CMKLR2: variants seen among roughly 807,000 people sequenced by gnomAD.
CMKLR2 encodes chemerin chemokine-like receptor 2, also known as chemerin-like receptor 2.
CMKLR2 carries 18 observed loss-of-function variants against 23.0 expected under a neutral mutation model. The ratio of observed to expected loss-of-function variants is 0.78; its 90% CI spans 0.54 to 1.16. The LOEUF (loss-of-function observed/expected upper bound fraction) is 1.16. Ranked by LOEUF, CMKLR2 falls within the 50% of genes most tolerant of loss-of-function variation. The pLI is 0.00. For synonymous variants in CMKLR2, 158 were observed against 158.9 expected, an observed-to-expected ratio of 0.99 and a Z score of 0.05; for missense variants, 401 against 412.7, an observed-to-expected ratio of 0.97 and a Z score of 0.25.
intron 1 of CMKLR2, chr2:206,203,804 T>G (rs1689204768): frequency 6.6e-6 from 1 of 152,230 alleles, no homozygotes. Flanking sequence ...ATGCCCAGCT[T>G]ACTTCCTGTT....
chr2:206,185,571 C>T lies in CMKLR2; in HGVS notation c.-28-8296G>A, dbSNP rs150337805. ...TGCTTTTCAGCCTTTGAATGATTTTCGCAAAGGGGAAAAGCAATCTGATTT... is the reference window on the plus strand; with the variant it reads ...TGCTTTTCAGCCTTTGAATGATTTTTGCAAAGGGGAAAAGCAATCTGATTT... On this transcript the variant is annotated intron_variant, in intron 1 of 1. Transcript: ENST00000621141. Among the ~76,000 whole-genome samples the T allele has an allele frequency of 1.9e-4, 29 of 152,212 alleles. No homozygotes were observed. The East Asian group carries it at 3.5e-3, about 18-fold the overall frequency.
intron 1 of CMKLR2, among the ~76,000 whole-genome samples, chr2:206,205,761 G>A (rs888039851): frequency 3.3e-5 from 5 of 151,862 alleles, no homozygotes; most frequent in African/African-American, 4.8e-5. Context: ...GTGCAATGGC[G>A]TGATCTCGGC....
chr2:206,191,573 G>A (rs1176458145), intron 1 of CMKLR2, among the ~76,000 whole-genome samples: 1 of 151,998 alleles, frequency 6.6e-6, no homozygotes, highest in East Asian at 1.9e-4. Flanking sequence ...GGACCCCTGT[G>A]TCTAGCCCCA....
rs1236257391 is a variant in CMKLR2, at chr2:206,175,935, A to T, written c.*245T>A. 2 of 361,068 alleles carry T rather than the reference A, an allele frequency of 5.5e-6. No individual in the cohort carries two copies. The highest frequency in any genetic ancestry group is 9.9e-6 in the Non-Finnish European group (2 of 202,686). The allele number at this position is 361,068 out of a possible 1,614,324, so 22.4% of individuals were successfully genotyped here. A position where few individuals can be genotyped will look rare whatever the true frequency, so the allele number is the denominator to read the frequency against. Reference sequence around the variant, plus strand: ...CATTTCATTTAAGTTGCAGAAAAAAATTATGCGGATCCTTCCTAAGTATTT... The same window carrying T: ...CATTTCATTTAAGTTGCAGAAAAAATTTATGCGGATCCTTCCTAAGTATTT... On this transcript the variant is annotated 3_prime_UTR_variant, in exon 2 of 2. Transcript: ENST00000621141.
chr2:206,206,994 G>T (rs1296039790), intron 1 of CMKLR2, among the ~76,000 whole-genome samples: 1 of 149,964 alleles, frequency 6.7e-6, no homozygotes, highest in Non-Finnish European at 1.5e-5. Flanking sequence ...CTCCTGAGAG[G>T]TGTGTTCAAT....
chr2:206,214,658 C>G (rs1314410679), upstream of CMKLR2, among the ~76,000 whole-genome samples: 1 of 151,778 alleles, frequency 6.6e-6, no homozygotes. Flanking sequence ...GAGTCTCGCT[C>G]TGTTGCCCAG....
At chr2:206,197,493 C>A (rs1412808968) in intron 1 of CMKLR2, among the ~76,000 whole-genome samples, 1 of 152,060 alleles carries the variant, frequency 6.6e-6, no homozygotes, top group Admixed American at 6.6e-5. Flanking sequence ...AAATTTTAAC[C>A]CAGTATCTTG....
Position 206,190,041 on chromosome 2 carries a change from G to T in CMKLR2, c.-28-12766C>A, listed in dbSNP as rs1385513368. Among the ~76,000 whole-genome samples the T allele has an allele frequency of 2.0e-5, 3 of 152,126 alleles. No individual in the cohort carries two copies. The East Asian group carries it at 5.8e-4, about 29-fold the overall frequency. ...AAGGGAGGTTAGATGGAAATTGAAG[G>T]TTGGGTGGTGATATTGTTGCTGCTG... On this transcript the variant is annotated intron_variant, in intron 1 of 1. Coordinates refer to ENST00000621141, the MANE Select transcript of CMKLR2 (RefSeq NM_001389445.1).
At chr2:206,178,497 A>G (rs1327430543) in intron 1 of CMKLR2, among the ~76,000 whole-genome samples, 1 of 152,228 alleles carries the variant, frequency 6.6e-6, no homozygotes, top group Non-Finnish European at 1.5e-5. Context: ...TTTGGATTAA[A>G]TTTGATTATG....
At chr2:206,210,798 A>T (rs1464927158) in intron 1 of CMKLR2, among the ~76,000 whole-genome samples, 1 of 152,186 alleles carries the variant, frequency 6.6e-6, no homozygotes, top group Non-Finnish European at 1.5e-5. Context: ...CTGAATAAAG[A>T]AAAAGCTCTG....
intron 1 of CMKLR2, among the ~76,000 whole-genome samples, chr2:206,207,054 A>G (rs903741516): frequency 4.0e-5 from 6 of 151,400 alleles, no homozygotes; most frequent in Non-Finnish European, 8.8e-5. Flanking sequence ...AACAGTTGCC[A>G]TTTCTAGGAA....
intron 1 of CMKLR2, among the ~76,000 whole-genome samples, chr2:206,182,997 C>G (rs1282977398): frequency 6.6e-6 from 1 of 152,096 alleles, no homozygotes; most frequent in Non-Finnish European, 1.5e-5. Flanking sequence ...TTCCAGTGAG[C>G]AAGAATTGGC....
chr2:206,196,643 C>T (rs1479070421), intron 1 of CMKLR2, among the ~76,000 whole-genome samples: 2 of 152,228 alleles, frequency 1.3e-5, no homozygotes, highest in African/African-American at 2.4e-5. Context: ...CTCACCTCCA[C>T]CTCCAGGCCC....
At chr2:206,195,994 T>G (rs935814380) in intron 1 of CMKLR2, among the ~76,000 whole-genome samples, 1 of 152,026 alleles carries the variant, frequency 6.6e-6, no homozygotes, top group Non-Finnish European at 1.5e-5. Flanking sequence ...AACTATTCAG[T>G]GGCATGATTA....
intron 1 of CMKLR2, among the ~76,000 whole-genome samples, chr2:206,180,576 A>C (rs1034777497): frequency 6.6e-6 from 1 of 152,012 alleles, no homozygotes; most frequent in East Asian, 1.9e-4. Context: ...CTGGGACTAC[A>C]GAAGTACATC....
At chr2:206,192,619 T>C (rs951008034) in intron 1 of CMKLR2, among the ~76,000 whole-genome samples, 2 of 151,750 alleles carry the variant, frequency 1.3e-5, no homozygotes, top group Admixed American at 6.6e-5. Context: ...TCTCATGCTC[T>C]ACCACTTTTT....
chr2:206,216,129 G>A (rs1001049694), upstream of CMKLR2, among the ~76,000 whole-genome samples: 3 of 152,100 alleles, frequency 2.0e-5, no homozygotes, highest in Non-Finnish European at 4.4e-5. Context: ...TATTTCAAGG[G>A]GTTTCTTTTC....
rs751443641 is a variant in CMKLR2, at chr2:206,177,197, A to T, written c.51T>A (p.Tyr17Ter). The change falls in exon 2 of 2, where the codon TAT becomes TAA. Residue 17 changes from tyrosine to a stop codon, truncating the protein, a stop_gained. Transcript: ENST00000621141. LOFTEE classifies it high-confidence loss of function. ...TLFEEFENYS[Y>*]DLDYYSLESD... is the part of the protein sequence containing the mutation. ...ACTCCAGAGAGTAATAGTCTAGGTC[A>T]TAGGAATAGTTTTCAAATTCTTCAA... 4 of 1,610,854 alleles carry T rather than the reference A, an allele frequency of 2.5e-6. No individual in the cohort carries two copies. Among genetic ancestry groups the T allele is most frequent in the Non-Finnish European group, 3.4e-6 (4 of 1,179,318 alleles).
In CMKLR2 at chr2:206,175,908, T is replaced by C. The variant is rs1688189073; in HGVS notation, c.*272A>G. On this transcript the variant is annotated 3_prime_UTR_variant, in exon 2 of 2. Coordinates refer to ENST00000621141, the MANE Select transcript of CMKLR2 (RefSeq NM_001389445.1). Reference sequence around the variant, plus strand: ...ACCATGGTATAATTAACAAGAATGATGCATTTCATTTAAGTTGCAGAAAAA... The same window carrying C: ...ACCATGGTATAATTAACAAGAATGACGCATTTCATTTAAGTTGCAGAAAAA... 9.6e-6 allele frequency: 3 copies of C among 313,574 alleles called. No individual in the cohort carries two copies. Among genetic ancestry groups the C allele is most frequent in the Non-Finnish European group, 1.7e-5 (3 of 172,446 alleles). 19.4% of individuals were successfully genotyped at this position (313,574 alleles called of 1,614,324 possible). A position where few individuals can be genotyped will look rare whatever the true frequency, so the allele number is the denominator to read the frequency against.
Sources: allele counts gnomAD v4.1 joint callset (sites outside exome capture counted in the v4.1 genomes callset), GRCh38; gene constraint gnomAD v4.1.1; transcripts MANE v1.5; gene names NCBI Gene and HGNC (gene_info 2026-07-23, HGNC 2026-07-21).